FAM151B: variants seen among roughly 807,000 people sequenced by gnomAD.
The protein encoded by FAM151B is family with sequence similarity 151 member B.
FAM151B carries 24 observed loss-of-function variants against 31.2 expected under a neutral mutation model. That is an observed-to-expected ratio of 0.77 (90% CI 0.56 to 1.08). The LOEUF (loss-of-function observed/expected upper bound fraction) is 1.08. Ranked by LOEUF, FAM151B falls within the 50% of genes least tolerant of loss-of-function variation. The pLI, the probability that FAM151B is intolerant of heterozygous loss-of-function variation, is 0.00. For missense variants in FAM151B, 293 were observed against 328.6 expected, an observed-to-expected ratio of 0.89 and a Z score of 0.84; for synonymous variants, 105 against 111.4, an observed-to-expected ratio of 0.94 and a Z score of 0.36.
chr5:80,523,763 T>C (rs1482701976), intron 5 of FAM151B, among the ~76,000 whole-genome samples: 3 of 152,132 alleles, frequency 2.0e-5, no homozygotes, highest in Non-Finnish European at 2.9e-5. Flanking sequence ...GGAAAATTGA[T>C]GTGTAAAAAT....
intron 1 of FAM151B, among the ~76,000 whole-genome samples, chr5:80,494,465 TTTCTTTC>T (rs1158341195): frequency 0.21 from 16,187 of 76,608 alleles, 1,853 homozygotes; most frequent in Non-Finnish European, 0.24. Context: ...CTTTTCTTTC[TTTCTTTC>T]TTTCTTTCTT....
At position 80,522,008 on chromosome 5, in the gene FAM151B, A is replaced by G. The variant is rs200357393; in HGVS notation, c.541A>G (p.Ser181Gly). Residue 181 changes from serine (S) to glycine (G), a missense_variant, in exon 5 of 6, where the codon AGT becomes GGT. Transcript: ENST00000282226. ...WHPEKVNEGY[S>G]WTMVKEMEYI... ...TTTTTTTCTTTTCTTTTAAGGGTAC[A>G]GTTGGACAATGGTGAAAGAGATGGA... 4.4e-6 allele frequency: 7 copies of G among 1,578,558 alleles called. No homozygotes were observed. Among genetic ancestry groups the G allele is most frequent in the African/African-American group, 4.0e-5 (3 of 74,684 alleles).
intron 5 of FAM151B, among the ~76,000 whole-genome samples, chr5:80,541,197 CA>C (rs1745870933): frequency 6.6e-6 from 1 of 152,292 alleles, no homozygotes; most frequent in South Asian, 2.1e-4. Context: ...GTATCTCATA[CA>C]AAAACCTCCA....
chr5:80,495,830 C>CA lies in FAM151B; in HGVS notation c.26-5933dup, dbSNP rs3072031. ...TGGGCGAAAGAGCGAGACTCCGTCT[C>CA]AAAAAAAAAAAAAAAAAAAAAAAAA... On this transcript the variant is annotated intron_variant, in intron 1 of 5. Coordinates refer to ENST00000282226, the MANE Select transcript of FAM151B (RefSeq NM_205548.3). 1.2e-4 allele frequency among the ~76,000 whole-genome samples: 11 copies of CA among 88,154 alleles called. No homozygotes were observed. The East Asian group carries it at 3.0e-3, about 24-fold the overall frequency. 57.8% of individuals were successfully genotyped at this position (88,154 alleles called of 152,430 possible).
intron 5 of FAM151B, among the ~76,000 whole-genome samples, chr5:80,526,662 C>A (rs1010306048): frequency 2.6e-5 from 4 of 151,778 alleles, no homozygotes; most frequent in African/African-American, 9.7e-5. Context: ...GTTTTCTAAG[C>A]AAAAAAAATT....
chr5:80,513,440 T>C (rs1192715606), intron 2 of FAM151B, among the ~76,000 whole-genome samples, 164 bp from the exon 3 acceptor site: 1 of 152,190 alleles, frequency 6.6e-6, no homozygotes, highest in Non-Finnish European at 1.5e-5. Context: ...ATAGGGAGAA[T>C]GTGTACGGAC....
intron 2 of FAM151B, chr5:80,506,038 G>T: frequency 1.0e-6 from 1 of 987,292 alleles, no homozygotes; most frequent in Non-Finnish European, 1.2e-6. Context: ...TTACAGGTGT[G>T]AGCCACCACG....
chr5:80,520,101 G>A (rs1043052628), intron 4 of FAM151B, among the ~76,000 whole-genome samples, 191 bp downstream of exon 4: 5 of 152,102 alleles, frequency 3.3e-5, no homozygotes, highest in African/African-American at 1.2e-4. Context: ...CACTGGTGAC[G>A]CTGCAGATTT....
intron 2 of FAM151B, among the ~76,000 whole-genome samples, chr5:80,504,667 G>A (rs1328667624): frequency 1.3e-5 from 2 of 151,666 alleles, no homozygotes; most frequent in Admixed American, 1.3e-4. Flanking sequence ...CTATGGGCAT[G>A]TGCCACCATG....
chr5:80,534,071 A>G (rs1416305157), intron 5 of FAM151B, among the ~76,000 whole-genome samples: 1 of 152,166 alleles, frequency 6.6e-6, no homozygotes, highest in Non-Finnish European at 1.5e-5. Context: ...GAGATCTAAA[A>G]TCTGAACAGA....
chr5:80,520,165 CTT>C (rs1369168827), intron 4 of FAM151B, among the ~76,000 whole-genome samples: 1 of 152,088 alleles, frequency 6.6e-6, no homozygotes. Flanking sequence ...TTAGCAATCT[CTT>C]TTTCTAATTT....
intron 1 of FAM151B, among the ~76,000 whole-genome samples, chr5:80,494,461 TTTCTTTCTTTCTTTCTTTC>T (rs1743439426): frequency 6.9e-5 from 3 of 43,522 alleles, no homozygotes; most frequent in African/African-American, 3.3e-4. Context: ...CTTTCTTTTC[TTTCTTTCTTTCTTTCTTTC>T]TTTCTTTCTT....
At chr5:80,515,068 C>T (rs1257847250) in intron 3 of FAM151B, among the ~76,000 whole-genome samples, 1 of 151,960 alleles carries the variant, frequency 6.6e-6, no homozygotes, top group African/African-American at 2.4e-5. Context: ...GGTGAAACCC[C>T]TTCTCTACTA....
At chr5:80,519,971 A>T in intron 4 of FAM151B, 61 bp downstream of exon 4, 1 of 1,479,228 alleles carries the variant, frequency 6.8e-7, no homozygotes, top group Non-Finnish European at 9.3e-7. Context: ...TATAAAAATA[A>T]CATCTTTAAT....
chr5:80,541,398 A>G (rs1745880992), intron 5 of FAM151B, among the ~76,000 whole-genome samples: 2 of 152,170 alleles, frequency 1.3e-5, no homozygotes, highest in Admixed American at 6.5e-5. Context: ...ACCATTTCCC[A>G]TGCCACTCAT....
intron 2 of FAM151B, among the ~76,000 whole-genome samples, chr5:80,507,866 G>A (rs1006060092): frequency 3.3e-5 from 5 of 152,074 alleles, no homozygotes; most frequent in East Asian, 1.9e-4. Context: ...GCATGGCTAC[G>A]CTCCCTCCTC....
At chr5:80,510,393 A>G (rs1266312483) in intron 2 of FAM151B, among the ~76,000 whole-genome samples, 2 of 152,224 alleles carry the variant, frequency 1.3e-5, no homozygotes, top group African/African-American at 4.8e-5. Context: ...ATGTCTTTAC[A>G]TGGTGGCTGG....
intron 5 of FAM151B, among the ~76,000 whole-genome samples, chr5:80,533,749 CAA>C (rs71601590): frequency 1.0e-4 from 7 of 67,522 alleles, no homozygotes; most frequent in Non-Finnish European, 1.6e-4. Flanking sequence ...GACTCCATCT[CAA>C]AAAAAAAAAA....
chr5:80,523,600 T>C lies in FAM151B; in HGVS notation c.671+1462T>C, dbSNP rs79775224. Among the ~76,000 whole-genome samples the C allele has an allele frequency of 3.7e-3, 564 of 152,282 alleles. 5 individuals carry two copies. The highest frequency in any genetic ancestry group is 0.013 in the African/African-American group (537 of 41,576). On this transcript the variant is annotated intron_variant, in intron 5 of 5. Transcript: ENST00000282226. Reference sequence around the variant, plus strand: ...TATCTATCAGTCAGACACTGTTGAATAAATTATGGTACACCCATATGATGG... The same window carrying C: ...TATCTATCAGTCAGACACTGTTGAACAAATTATGGTACACCCATATGATGG...
Sources: gnomAD v4.1 joint callset for allele counts (sites outside exome capture counted in the v4.1 genomes callset) on GRCh38, gnomAD v4.1.1 for gene constraint, MANE v1.5 for transcripts, NCBI Gene and HGNC (gene_info 2026-07-23, HGNC 2026-07-21) for gene names.